Variants in TAFA5 observed in about 807,000 individuals in gnomAD.
TAFA5 encodes chemokine-like protein TAFA-5.
Under a neutral mutation model 15.3 loss-of-function variants are expected in TAFA5, and 6 were observed. The ratio of observed to expected loss-of-function variants is 0.39; its 90% CI spans 0.21 to 0.77. The LOEUF is 0.77. Ranked by LOEUF, TAFA5 falls within the 30% of genes least tolerant of loss-of-function variation. The pLI, the probability that TAFA5 is intolerant of heterozygous loss-of-function variation, is 0.41. For synonymous variants in TAFA5, 103 were observed against 80.7 expected (o/e 1.28, Z -1.48); for missense variants, 161 against 193.1 (o/e 0.83, Z 0.98).
At chr22:48,534,360 C>T (rs1350093400) in intron 1 of TAFA5, among the ~76,000 whole-genome samples, 1 of 152,046 alleles carries the variant, frequency 6.6e-6, no homozygotes, top group Non-Finnish European at 1.5e-5. Context: ...TGAAGTAGGG[C>T]AGGCAGGTGA....
chr22:48,653,329 C>T (rs561236658), intron 2 of TAFA5, among the ~76,000 whole-genome samples: 56 of 152,294 alleles, frequency 3.7e-4, no homozygotes, highest in African/African-American at 1.3e-3. Flanking sequence ...TGGGAAGAGA[C>T]CCTGCCCCCG....
At chr22:48,579,991 C>T (rs754153160) in intron 1 of TAFA5, among the ~76,000 whole-genome samples, 10 of 152,264 alleles carry the variant, frequency 6.6e-5, no homozygotes, top group South Asian at 6.2e-4. Flanking sequence ...GGAGTGCATT[C>T]GACGGCTTGA....
At chr22:48,564,799 T>C (rs1393927200) in intron 1 of TAFA5, among the ~76,000 whole-genome samples, 1 of 152,204 alleles carries the variant, frequency 6.6e-6, no homozygotes, top group African/African-American at 2.4e-5. Flanking sequence ...CATCAACTTT[T>C]GCAGCGAGGC....
At chr22:48,597,114 T>A (rs989359246) in intron 1 of TAFA5, among the ~76,000 whole-genome samples, 1 of 152,226 alleles carries the variant, frequency 6.6e-6, no homozygotes, top group African/African-American at 2.4e-5. Context: ...GCCAGTTTTT[T>A]AAAGAACACC....
intron 1 of TAFA5, among the ~76,000 whole-genome samples, chr22:48,525,015 C>T (rs1363907921): frequency 6.6e-6 from 1 of 152,166 alleles, no homozygotes; most frequent in African/African-American, 2.4e-5. Context: ...TCTCTCCGCC[C>T]TGCCCTCAGC....
intron 2 of TAFA5, among the ~76,000 whole-genome samples, chr22:48,647,544 C>T (rs1031175672): frequency 2.6e-5 from 4 of 152,122 alleles, no homozygotes; most frequent in Admixed American, 1.3e-4. Context: ...ACCCCACAGC[C>T]GGGACCTCCC....
intron 1 of TAFA5, among the ~76,000 whole-genome samples, chr22:48,627,958 A>G (rs1279274165): frequency 6.6e-6 from 1 of 151,872 alleles, no homozygotes; most frequent in East Asian, 1.9e-4. Context: ...CACTTACCTT[A>G]CTCCCACCAT....
chr22:48,681,365 G>A (rs992074580), intron 2 of TAFA5, among the ~76,000 whole-genome samples: 4 of 152,164 alleles, frequency 2.6e-5, no homozygotes, highest in East Asian at 1.9e-4. Context: ...AGATGAGGCC[G>A]GGTGCGGTGG....
intron 1 of TAFA5, among the ~76,000 whole-genome samples, chr22:48,516,445 A>G (rs1921410004): frequency 6.6e-6 from 1 of 151,966 alleles, no homozygotes; most frequent in South Asian, 2.1e-4. Context: ...TGCAGACATC[A>G]TCACCATCGT....
intron 1 of TAFA5, among the ~76,000 whole-genome samples, chr22:48,499,013 G>A (rs566535378): frequency 7.2e-5 from 11 of 152,282 alleles, no homozygotes; most frequent in Admixed American, 5.2e-4. Flanking sequence ...CTTGCCTCCC[G>A]TGACTGTTTC....
intron 1 of TAFA5, among the ~76,000 whole-genome samples, chr22:48,542,722 G>C (rs111066989): frequency 0.09 from 13,048 of 145,780 alleles, 1,227 homozygotes; most frequent in East Asian, 0.41. Flanking sequence ...ATTAGTGTGT[G>C]TGTGGTGTGT....
intron 1 of TAFA5, among the ~76,000 whole-genome samples, chr22:48,617,629 C>A (rs1197036566): frequency 6.6e-6 from 1 of 152,236 alleles, no homozygotes; most frequent in Non-Finnish European, 1.5e-5. Flanking sequence ...GGGGATGCAG[C>A]AGGAGAGAGA....
At chr22:48,734,236 G>A (rs988818043) in intron 3 of TAFA5, among the ~76,000 whole-genome samples, 4 of 150,786 alleles carry the variant, frequency 2.7e-5, no homozygotes, top group East Asian at 1.9e-4. Context: ...AAGACTTCCC[G>A]TGAGAAATGA....
chr22:48,670,755 C>T (rs954472172), intron 2 of TAFA5, among the ~76,000 whole-genome samples: 6 of 152,136 alleles, frequency 3.9e-5, no homozygotes, highest in South Asian at 2.1e-4. Context: ...GGCCTGAAGG[C>T]GAGAAAGCAC....
intron 1 of TAFA5, among the ~76,000 whole-genome samples, chr22:48,593,823 G>A (rs1417197131): frequency 1.3e-5 from 2 of 152,090 alleles, no homozygotes; most frequent in Admixed American, 6.5e-5. Context: ...AAGTCCTGCC[G>A]CCCTCCTGCC....
intron 2 of TAFA5, among the ~76,000 whole-genome samples, chr22:48,681,044 G>T (rs539597845): frequency 2.0e-5 from 3 of 152,336 alleles, no homozygotes; most frequent in African/African-American, 7.2e-5. Context: ...TTGTTCTCCG[G>T]GGCCCTACCT....
chr22:48,680,276 G>A (rs1928138680), intron 2 of TAFA5, among the ~76,000 whole-genome samples: 1 of 152,258 alleles, frequency 6.6e-6, no homozygotes, highest in African/African-American at 2.4e-5. Context: ...GCAGGAGCGT[G>A]TGCGTCCCAC....
chr22:48,554,875 C>T (rs188782949), intron 1 of TAFA5, among the ~76,000 whole-genome samples: 7 of 152,312 alleles, frequency 4.6e-5, no homozygotes, highest in African/African-American at 1.2e-4. Context: ...GTGGGACACT[C>T]ATGGTCAGGT....
intron 3 of TAFA5, among the ~76,000 whole-genome samples, chr22:48,722,993 G>A (rs539163568): frequency 5.3e-5 from 8 of 152,296 alleles, no homozygotes; most frequent in African/African-American, 1.7e-4. Context: ...TCCTCCAAAC[G>A]CTGGAGAAGC....
Sources: allele counts gnomAD v4.1 joint callset (sites outside exome capture counted in the v4.1 genomes callset), GRCh38; gene constraint gnomAD v4.1.1; transcripts MANE v1.5; gene names NCBI Gene and HGNC (gene_info 2026-07-23, HGNC 2026-07-21).